Variants in VWA3B observed in about 807,000 individuals in gnomAD.
VWA3B encodes von Willebrand factor A domain-containing protein 3B.
A neutral mutation model predicts 158.3 loss-of-function variants in VWA3B; 138 were observed. The ratio of observed to expected loss-of-function variants is 0.87; its 90% CI spans 0.76 to 1.00. VWA3B has a LOEUF of 1.00. Ranked by LOEUF, VWA3B falls within the 50% of genes least tolerant of loss-of-function variation. The pLI, the probability that VWA3B is intolerant of heterozygous loss-of-function variation, is 0.00. For synonymous variants in VWA3B, 596 were observed against 587.3 expected, an observed-to-expected ratio of 1.01 and a Z score of -0.21; for missense variants, 1,555 against 1,565.1, an observed-to-expected ratio of 0.99 and a Z score of 0.11.
intron 19 of VWA3B, chr2:98,245,574 G>A (rs140536512): frequency 3.1e-5 from 14 of 457,024 alleles, no homozygotes; most frequent in African/African-American, 2.6e-4. Flanking sequence ...GCCACGAAAG[G>A]CATGAGGTTG....
chr2:98,249,986 A>G (rs2105798934), intron 19 of VWA3B, among the ~76,000 whole-genome samples: 1 of 152,322 alleles, frequency 6.6e-6, no homozygotes, highest in Middle Eastern at 3.4e-3. Context: ...ACTCTTACCA[A>G]TTTGACAGAG....
chr2:98,206,800 T>G, intron 12 of VWA3B: 1 of 370,482 alleles, frequency 2.7e-6, no homozygotes. Flanking sequence ...CATCATGGAG[T>G]TAATCAATAA....
chr2:98,301,347 C>G (rs2105988590), intron 25 of VWA3B, among the ~76,000 whole-genome samples: 1 of 152,158 alleles, frequency 6.6e-6, no homozygotes, highest in South Asian at 2.1e-4. Context: ...TATGAACATT[C>G]ACTCTGCTCT....
At chr2:98,178,867 C>T (rs547595124) in intron 8 of VWA3B, among the ~76,000 whole-genome samples, 8 of 152,132 alleles carry the variant, frequency 5.3e-5, no homozygotes, top group African/African-American at 1.4e-4. Context: ...AACTCTATAG[C>T]GCTGGTGGAC....
At chr2:98,107,223 G>A (rs1198409488) in intron 2 of VWA3B, among the ~76,000 whole-genome samples, 1 of 152,012 alleles carries the variant, frequency 6.6e-6, no homozygotes, top group African/African-American at 2.4e-5. Context: ...ATACATTGCA[G>A]AATTCAATTT....
At chr2:98,296,159 T>C (rs1479368843) in intron 23 of VWA3B, among the ~76,000 whole-genome samples, 1 of 152,222 alleles carries the variant, frequency 6.6e-6, no homozygotes, top group Non-Finnish European at 1.5e-5. Context: ...AACTGCCTAG[T>C]AGGCTTGATA....
intron 7 of VWA3B, among the ~76,000 whole-genome samples, chr2:98,152,387 T>G (rs1356433197): frequency 6.6e-6 from 1 of 152,206 alleles, no homozygotes; most frequent in Non-Finnish European, 1.5e-5. Flanking sequence ...GGAAGGAACT[T>G]TAACTGCTGG....
chr2:98,213,144 A>T (rs1683682613), intron 13 of VWA3B, among the ~76,000 whole-genome samples: 1 of 152,174 alleles, frequency 6.6e-6, no homozygotes, highest in South Asian at 2.1e-4. Context: ...GACACTGTTG[A>T]TGTCCTGGGC....
chr2:98,329,431 G>A, the VWA3B span, among the ~76,000 whole-genome samples: 2 of 151,952 alleles, frequency 1.3e-5, no homozygotes, highest in South Asian at 2.1e-4. Context: ...TTTGCAATAC[G>A]TATTATTTGA....
chr2:98,187,824 G>A (rs534092386), intron 9 of VWA3B, 151 bp from the exon 10 acceptor site: 12 of 774,852 alleles, frequency 1.5e-5, no homozygotes, highest in Admixed American at 1.0e-4. Flanking sequence ...AGCGGGCAGC[G>A]GAACATATTT....
rs561744216 is a variant in VWA3B at position 98,215,916 on chromosome 2, T to G, written c.1837-1930T>G. The stretch of plus-strand genomic sequence containing the variant: ...TTTTTTCATTATTCCTTGGATTCTC[T>G]CAAAAAGGCAAATTGATATTTGATA... On this transcript the variant is annotated intron_variant, in intron 13 of 27. Transcript: ENST00000477737. Among the ~76,000 whole-genome samples the G allele has an allele frequency of 5.9e-5, 9 of 152,262 alleles. No homozygotes were observed. The East Asian group carries it at 1.5e-3, about 26-fold the overall frequency.
chr2:98,305,070 T>C (rs1226624558), intron 26 of VWA3B, among the ~76,000 whole-genome samples: 2 of 152,172 alleles, frequency 1.3e-5, no homozygotes, highest in Non-Finnish European at 2.9e-5. Context: ...CCTCACTGAC[T>C]GAACCTGCTC....
intron 25 of VWA3B, 148 bp from the exon 26 acceptor site, chr2:98,303,554 G>T: frequency 1.5e-6 from 1 of 664,254 alleles, no homozygotes; most frequent in East Asian, 2.8e-5. Context: ...GTCAAGTGAG[G>T]GTCTGAATTT....
chr2:98,158,847 A>G (rs188784546), intron 7 of VWA3B, among the ~76,000 whole-genome samples: 102 of 152,236 alleles, frequency 6.7e-4, no homozygotes, highest in Non-Finnish European at 1.0e-3. Context: ...AGAGTGTTAG[A>G]GGAGTGTCAT....
rs768016071 is a variant in VWA3B, at chr2:98,303,746, G to A, written c.3465G>A (p.Lys1155=). 5.6e-6 allele frequency: 9 copies of A among 1,614,156 alleles called. No individual in the cohort carries two copies. The highest frequency in any genetic ancestry group is 2.2e-5 in the East Asian group (1 of 44,870). ...CACTTATTAAGATCAGCCAAAACAA[G>A]TATGCGCTCTCTTGCTCTCATATAA... is the stretch of plus-strand genomic sequence containing the variant. ...RSALIKISQN[K]YALSCSHIKS... is the part of the protein sequence containing the mutation. The change falls in exon 26 of 28, where the codon AAG becomes AAA. Residue 1155 remains lysine (K), a synonymous_variant. Transcript: ENST00000477737.
At chr2:98,253,466 G>T (rs377156357) in intron 20 of VWA3B, among the ~76,000 whole-genome samples, 1 of 152,154 alleles carries the variant, frequency 6.6e-6, no homozygotes, top group Non-Finnish European at 1.5e-5. Context: ...GGCTTTGTGT[G>T]TCTGAGTATA....
intron 17 of VWA3B, 86 bp downstream of exon 17, chr2:98,234,853 G>A: frequency 6.4e-7 from 1 of 1,557,804 alleles, no homozygotes; most frequent in South Asian, 1.2e-5. Flanking sequence ...AGATATGTTG[G>A]GGAAATCATA....
At chr2:98,135,545 C>T (rs373488968) in intron 7 of VWA3B, among the ~76,000 whole-genome samples, 5 of 151,456 alleles carry the variant, frequency 3.3e-5, no homozygotes, top group African/African-American at 7.3e-5. Context: ...CCGTTTTAGC[C>T]GGGATGGTCT....
the VWA3B span, among the ~76,000 whole-genome samples, chr2:98,321,913 G>T: frequency 6.6e-6 from 1 of 152,162 alleles, no homozygotes; most frequent in African/African-American, 2.4e-5. Context: ...ACATGTCATG[G>T]GAGGGACCCA....
Sources: allele counts gnomAD v4.1 joint callset (sites outside exome capture counted in the v4.1 genomes callset), GRCh38; gene constraint gnomAD v4.1.1; transcripts MANE v1.5; gene names NCBI Gene and HGNC (gene_info 2026-07-23, HGNC 2026-07-21).